Variants in SMYD3 observed in about 807,000 individuals in gnomAD.
SMYD3 encodes SET and MYND domain containing 3.
SMYD3 carries 36 observed loss-of-function variants against 57.7 expected under a neutral mutation model. The ratio of observed to expected loss-of-function variants is 0.62; its 90% CI spans 0.48 to 0.82. SMYD3 has a LOEUF of 0.82. Ranked by LOEUF, SMYD3 falls within the 40% of genes least tolerant of loss-of-function variation. The probability of loss-of-function intolerance (pLI) is 0.00; values close to 1 mark genes in which losing one functional copy is unlikely to be tolerated. For synonymous variants in SMYD3, 211 were observed against 195.0 expected (o/e 1.08, Z -0.68); for missense variants, 515 against 538.8 (o/e 0.96, Z 0.44).
Position 246,078,588 on chromosome 1 carries a change from G to A in SMYD3, c.532-148651C>T, listed in dbSNP as rs2060585366. Among the ~76,000 whole-genome samples the A allele has an allele frequency of 2.0e-5, 3 of 152,186 alleles. No individual in the cohort carries two copies. The South Asian group carries it at 6.2e-4, about 32-fold the overall frequency. ...AGACTTTATTAGGAGGCAATGGAGA[G>A]TCGAAGAAGAATAGTTCAATTCACT... On this transcript the variant is annotated intron_variant, in intron 5 of 11. Coordinates refer to ENST00000490107, the MANE Select transcript of SMYD3 (RefSeq NM_001167740.2).
intron 5 of SMYD3, among the ~76,000 whole-genome samples, chr1:246,140,165 A>C: frequency 6.6e-6 from 1 of 152,220 alleles, no homozygotes. Context: ...AATGAGGTAC[A>C]AGTGCCAGGT....
chr1:246,050,063 C>G (rs1330727625), intron 5 of SMYD3, among the ~76,000 whole-genome samples: 1 of 152,200 alleles, frequency 6.6e-6, no homozygotes, highest in Admixed American at 6.5e-5. Context: ...AACAAACAAC[C>G]TTTCACGAAA....
chr1:246,299,200 A>G (rs1212501134), intron 5 of SMYD3, among the ~76,000 whole-genome samples: 2 of 152,188 alleles, frequency 1.3e-5, no homozygotes, highest in Non-Finnish European at 2.9e-5. Flanking sequence ...GTACTGGTTC[A>G]TTAAATTTTA....
intron 5 of SMYD3, among the ~76,000 whole-genome samples, chr1:246,004,137 G>A (rs142222740): frequency 6.6e-6 from 1 of 152,166 alleles, no homozygotes; most frequent in South Asian, 2.1e-4. Flanking sequence ...AATGGAAATC[G>A]GTACGCAAAA....
intron 5 of SMYD3, among the ~76,000 whole-genome samples, chr1:246,143,095 T>A (rs2061783835): frequency 6.6e-6 from 1 of 151,574 alleles, no homozygotes; most frequent in Admixed American, 6.6e-5. Context: ...TTACATTATC[T>A]TTTTTAATGG....
At chr1:246,269,543 C>CTTTTTTTTTTTTTTCTTTTTTTTTTTTTT (rs570972296) in intron 5 of SMYD3, among the ~76,000 whole-genome samples, 1 of 135,222 alleles carries the variant, frequency 7.4e-6, no homozygotes, top group Non-Finnish European at 1.6e-5. Flanking sequence ...CTTTTTTTTT[C>CTTTTTTTTTTTTTTCTTTTTTTTTTTTTT]TTTTTTTTTT....
At chr1:245,954,613 G>A (rs1043174753) in intron 5 of SMYD3, among the ~76,000 whole-genome samples, 14 of 151,186 alleles carry the variant, frequency 9.3e-5, no homozygotes, top group African/African-American at 2.7e-4. Flanking sequence ...AGGAAGCAGG[G>A]GTTGCAGTGA....
intron 5 of SMYD3, among the ~76,000 whole-genome samples, chr1:246,054,034 G>A (rs1490327994): frequency 1.4e-4 from 21 of 152,090 alleles, no homozygotes; most frequent in Admixed American, 1.4e-3. Flanking sequence ...ATCTGACCCA[G>A]GACTTGTATC....
chr1:246,495,887 C>G (rs2068352932), intron 1 of SMYD3, among the ~76,000 whole-genome samples: 6 of 151,868 alleles, frequency 4.0e-5, no homozygotes, highest in Non-Finnish European at 8.8e-5. Flanking sequence ...ATTGCTTGAA[C>G]CTGGGAGGCG....
At chr1:246,329,552 T>G (rs2065423765) in intron 4 of SMYD3, among the ~76,000 whole-genome samples, 1 of 152,206 alleles carries the variant, frequency 6.6e-6, no homozygotes, top group African/African-American at 2.4e-5. Context: ...GTTTTTTTCT[T>G]GTTAATTTGT....
chr1:245,867,089 C>T (rs1434870267), intron 8 of SMYD3, among the ~76,000 whole-genome samples: 1 of 152,238 alleles, frequency 6.6e-6, no homozygotes, highest in Non-Finnish European at 1.5e-5. Context: ...ATTAAGGTTG[C>T]TAATCAGCTG....
At chr1:246,127,255 A>G (rs930948538) in intron 5 of SMYD3, among the ~76,000 whole-genome samples, 7 of 152,114 alleles carry the variant, frequency 4.6e-5, no homozygotes, top group African/African-American at 1.7e-4. Flanking sequence ...TCCCATGCCA[A>G]CCTGAGTCAA....
chr1:246,035,069 C>T (rs1423634472), intron 5 of SMYD3: 1 of 152,378 alleles, frequency 6.6e-6, no homozygotes, highest in Admixed American at 6.5e-5. Flanking sequence ...TCCCACCTGA[C>T]CCTACCCTTC....
intron 1 of SMYD3, among the ~76,000 whole-genome samples, chr1:246,363,803 C>T (rs939799998): frequency 3.0e-4 from 46 of 152,212 alleles, no homozygotes; most frequent in Admixed American, 5.2e-4. Flanking sequence ...GCAGGGTCCT[C>T]TGCCTAGGAA....
chr1:246,248,857 C>T (rs898080994), intron 5 of SMYD3, among the ~76,000 whole-genome samples: 76 of 127,376 alleles, frequency 6.0e-4, no homozygotes, highest in Non-Finnish European at 8.4e-4. Flanking sequence ...GGGGTTTCAT[C>T]GTGTTAGCCA....
chr1:246,169,070 T>C (rs2062274747), intron 5 of SMYD3, among the ~76,000 whole-genome samples: 1 of 152,202 alleles, frequency 6.6e-6, no homozygotes, highest in African/African-American at 2.4e-5. Context: ...TCTGCTTCAC[T>C]TGAATTCCTT....
At chr1:246,455,430 C>A (rs1300755086) in intron 1 of SMYD3, among the ~76,000 whole-genome samples, 1 of 152,114 alleles carries the variant, frequency 6.6e-6, no homozygotes, top group Non-Finnish European at 1.5e-5. Flanking sequence ...ATTTTATTTA[C>A]ACAAAATCTA....
intron 5 of SMYD3, among the ~76,000 whole-genome samples, chr1:246,238,315 GCCA>G (rs1177739406): frequency 6.6e-6 from 1 of 152,110 alleles, no homozygotes; most frequent in African/African-American, 2.4e-5. Flanking sequence ...ACAGGAGTGT[GCCA>G]CCACACCTGG....
At chr1:245,797,476 T>G (rs7512652) in intron 10 of SMYD3, among the ~76,000 whole-genome samples, 52,228 of 135,802 alleles carry the variant, frequency 0.38, 11,325 homozygotes, top group Middle Eastern at 0.54. Flanking sequence ...AACTGAACAA[T>G]GAGAACGCTT....
Sources: gnomAD v4.1 joint callset for allele counts (sites outside exome capture counted in the v4.1 genomes callset) on GRCh38, gnomAD v4.1.1 for gene constraint, MANE v1.5 for transcripts, NCBI Gene and HGNC (gene_info 2026-07-23, HGNC 2026-07-21) for gene names.